PPP2R5A: variants seen among roughly 807,000 people sequenced by gnomAD.
PPP2R5A encodes the protein serine/threonine-protein phosphatase 2A 56 kDa regulatory subunit alpha isoform.
In PPP2R5A, 25 loss-of-function variants were observed where a neutral mutation model predicts 64.2. The ratio of observed to expected loss-of-function variants is 0.39; its 90% CI spans 0.28 to 0.54. The LOEUF is 0.54. PPP2R5A is among the 20% of genes least tolerant of loss of function. PPP2R5A has a pLI of 0.67. For synonymous variants in PPP2R5A, 198 were observed against 201.2 expected (o/e 0.98, Z 0.13); for missense variants, 425 against 576.3 (o/e 0.74, Z 2.69).
In PPP2R5A at chr1:212,304,802, G is replaced by A. The variant is rs534277151; in HGVS notation, c.181+18511G>A. Among the ~76,000 whole-genome samples the A allele has an allele frequency of 1.5e-3, 205 of 139,802 alleles. 2 individuals carry two copies. The highest frequency in any genetic ancestry group is 5.2e-3 in the African/African-American group (198 of 37,792). 91.7% of individuals were successfully genotyped at this position (139,802 alleles called of 152,430 possible). The stretch of plus-strand genomic sequence containing the variant: ...GGCTGGAGTGCAGTGGCATGATCTC[G>A]GCTCACTGCAACCCCCACCTCACAG... On this transcript the variant is annotated intron_variant, in intron 1 of 12. Coordinates refer to ENST00000261461, the MANE Select transcript of PPP2R5A (RefSeq NM_006243.4).
chr1:212,336,052 C>T (rs981893880), intron 3 of PPP2R5A, among the ~76,000 whole-genome samples: 2 of 152,096 alleles, frequency 1.3e-5, no homozygotes, highest in Non-Finnish European at 2.9e-5. Context: ...TCCCTGAAAC[C>T]AGTGGTTCTT....
intron 1 of PPP2R5A, among the ~76,000 whole-genome samples, chr1:212,320,119 T>A (rs904063832): frequency 2.0e-5 from 3 of 151,694 alleles, no homozygotes; most frequent in African/African-American, 7.3e-5. Flanking sequence ...TGTCCCTGGG[T>A]ACTTGAGATT....
rs557765092 is a variant in PPP2R5A at position 212,338,156 on chromosome 1, G to A, written c.481-4032G>A. 4.6e-5 allele frequency among the ~76,000 whole-genome samples: 7 copies of A among 152,090 alleles called. No individual in the cohort carries two copies. In the South Asian group the frequency reaches 1.5e-3, roughly 32 times the overall value. ...TAATCATCTATGCTGTTTTCTGTTGGAACTTCTCCCAAGTCTTTTTAATGG... is the reference window on the plus strand; with the variant it reads ...TAATCATCTATGCTGTTTTCTGTTGAAACTTCTCCCAAGTCTTTTTAATGG... On this transcript the variant is annotated intron_variant, in intron 3 of 12. Transcript: ENST00000261461.
At chr1:212,319,947 G>GTTTTTTTTTT (rs71137742) in intron 1 of PPP2R5A, among the ~76,000 whole-genome samples, 2 of 103,356 alleles carry the variant, frequency 1.9e-5, no homozygotes, top group South Asian at 3.1e-4. Context: ...CTTACAGATT[G>GTTTTTTTTTT]TTTTTTTTTT....
chr1:212,349,287 C>A, intron 8 of PPP2R5A, 45 bp downstream of exon 8: 1 of 1,420,624 alleles, frequency 7.0e-7, no homozygotes, highest in African/African-American at 1.4e-5. Flanking sequence ...GCATTAATAG[C>A]ATTTCATTGT....
chr1:212,298,899 C>T (rs1423492544), intron 1 of PPP2R5A, among the ~76,000 whole-genome samples: 18 of 37,216 alleles, frequency 4.8e-4, no homozygotes, highest in East Asian at 1.9e-3. Context: ...ACCTCCCTCC[C>T]GGACTGGGCG....
intron 3 of PPP2R5A, among the ~76,000 whole-genome samples, chr1:212,339,223 G>T (rs1391131778): frequency 6.6e-6 from 1 of 152,046 alleles, no homozygotes; most frequent in Non-Finnish European, 1.5e-5. Flanking sequence ...TGTTGCCCAG[G>T]CTGGAATGCA....
intron 2 of PPP2R5A, among the ~76,000 whole-genome samples, chr1:212,333,129 C>G (rs1236520029): frequency 6.6e-6 from 1 of 152,130 alleles, no homozygotes; most frequent in East Asian, 1.9e-4. Flanking sequence ...TCTTGAACTC[C>G]TGACCTCAGA....
At chr1:212,355,121 C>G (rs1040527187) in intron 8 of PPP2R5A, among the ~76,000 whole-genome samples, 1 of 152,114 alleles carries the variant, frequency 6.6e-6, no homozygotes, top group African/African-American at 2.4e-5. Flanking sequence ...GTATTTCTTG[C>G]AAATTTATTC....
intron 1 of PPP2R5A, among the ~76,000 whole-genome samples, chr1:212,321,388 A>G (rs1659288428): frequency 6.6e-6 from 1 of 150,468 alleles, no homozygotes. Context: ...CCTCCCTCCC[A>G]GACGGGGTGG....
chr1:212,286,287 C>G lies in PPP2R5A; in HGVS notation c.177C>G (p.Leu59=), dbSNP rs936604885. ...CAGAGCTGCACCCGCTGCCCCAGCT[C>G]AAAGGTAACCTCCGAGGGCGCAGCC... ...SQAELHPLPQ[L]KDATSNEQQE... The change falls in exon 1 of 13, where the codon CTC becomes CTG. Residue 59 remains leucine (L), a synonymous_variant. Coordinates refer to ENST00000261461, the MANE Select transcript of PPP2R5A (RefSeq NM_006243.4). 2 of 1,516,544 alleles carry G rather than the reference C, an allele frequency of 1.3e-6. No homozygotes were observed. The highest frequency in any genetic ancestry group is 8.8e-7 in the Non-Finnish European group (1 of 1,133,222). The allele number at this position is 1,516,544 out of a possible 1,614,324, so 93.9% of individuals were successfully genotyped here. A position where few individuals can be genotyped will look rare whatever the true frequency, so the allele number is the denominator to read the frequency against.
rs561849047 is a variant in PPP2R5A, at chr1:212,355,320, G to A, written c.928-1306G>A. On this transcript the variant is annotated intron_variant, in intron 8 of 12. Coordinates refer to ENST00000261461, the MANE Select transcript of PPP2R5A (RefSeq NM_006243.4). ...GTTTTAAGGGATATATAAATATACA[G>A]TTACACAAATAAGTGTAATTCTGGT... 6.6e-5 allele frequency among the ~76,000 whole-genome samples: 10 copies of A among 152,022 alleles called. No individual in the cohort carries two copies. The South Asian group carries it at 1.9e-3, about 28-fold the overall frequency.
intron 1 of PPP2R5A, among the ~76,000 whole-genome samples, chr1:212,307,260 GTT>G (rs1057069165): frequency 2.8e-5 from 4 of 141,112 alleles, no homozygotes; most frequent in African/African-American, 2.6e-5. Context: ...ATTTTTGAGA[GTT>G]TTTTTTTTTT....
chr1:212,302,262 C>G (rs1314982226), intron 1 of PPP2R5A, among the ~76,000 whole-genome samples: 1 of 152,138 alleles, frequency 6.6e-6, no homozygotes, highest in African/African-American at 2.4e-5. Flanking sequence ...ATTCGGTGAA[C>G]TGTTCTTAAA....
At chr1:212,301,415 G>C (rs1658798111) in intron 1 of PPP2R5A, among the ~76,000 whole-genome samples, 1 of 152,184 alleles carries the variant, frequency 6.6e-6, no homozygotes, top group African/African-American at 2.4e-5. Flanking sequence ...GAAAGTTTTA[G>C]TTAGTATTGT....
At chr1:212,323,226 A>G (rs1471624043) in intron 1 of PPP2R5A, among the ~76,000 whole-genome samples, 1 of 152,202 alleles carries the variant, frequency 6.6e-6, no homozygotes, top group Non-Finnish European at 1.5e-5. Context: ...ATTTTGCCTG[A>G]TAGCATTACT....
At chr1:212,318,296 T>TC (rs1659198700) in intron 1 of PPP2R5A, among the ~76,000 whole-genome samples, 1 of 152,218 alleles carries the variant, frequency 6.6e-6, no homozygotes, top group Admixed American at 6.5e-5. Context: ...TATCTGTTTT[T>TC]TTTTTAAGGT....
In PPP2R5A at chr1:212,286,273, C is replaced by G. The variant is rs75232123; in HGVS notation, c.163C>G (p.Pro55Ala). The G allele has an allele frequency of 0.019, 29,346 of 1,529,362 alleles. 359 individuals carry two copies. The highest frequency in any genetic ancestry group is 0.023 in the Middle Eastern group (138 of 5,916). 94.7% of individuals were successfully genotyped at this position (1,529,362 alleles called of 1,614,324 possible). Residue 55 changes from proline to alanine, a missense_variant, in exon 1 of 13, where the codon CCG becomes GCG. This residue lies in a region of PPP2R5A where 104 missense variants were observed against 95.7 expected (regional missense o/e 1.09). Transcript: ENST00000261461. Reference protein sequence around the residue: ...RSQGSQAELHPLPQLKDATSN... With the variant: ...RSQGSQAELHALPQLKDATSN... ...CCAGGGCAGCCAGGCAGAGCTGCAC[C>G]CGCTGCCCCAGCTCAAAGGTAACCT...
intron 1 of PPP2R5A, among the ~76,000 whole-genome samples, chr1:212,326,744 C>G (rs1659414156): frequency 6.6e-6 from 1 of 152,178 alleles, no homozygotes; most frequent in Non-Finnish European, 1.5e-5. Flanking sequence ...GATTCTGGAA[C>G]AGGAAATGTT....
Sources: allele counts gnomAD v4.1 joint callset (sites outside exome capture counted in the v4.1 genomes callset), GRCh38; gene constraint gnomAD v4.1.1; regional missense constraint gnomAD v4.1.1; transcripts MANE v1.5; gene names NCBI Gene and HGNC (gene_info 2026-07-23, HGNC 2026-07-21).